Variants in CLASRP observed in about 807,000 individuals in gnomAD.
CLASRP encodes the protein CLK4-associating serine/arginine rich protein.
A neutral mutation model predicts 99.9 loss-of-function variants in CLASRP; 52 were observed. That is an observed-to-expected ratio of 0.52 (90% confidence interval 0.42 to 0.66). The LOEUF (loss-of-function observed/expected upper bound fraction) is 0.66. Among genes scored for constraint, CLASRP ranks in the 30% least tolerant of loss-of-function variants. The probability of loss-of-function intolerance (pLI) is 0.00; values close to 1 mark genes in which losing one functional copy is unlikely to be tolerated. For synonymous variants in CLASRP, 379 were observed against 373.0 expected (o/e 1.02, Z -0.18); for missense variants, 848 against 999.2 (o/e 0.85, Z 2.04).
chr19:45,063,197 G>A (rs934165917), intron 11 of CLASRP, among the ~76,000 whole-genome samples: 2 of 150,666 alleles, frequency 1.3e-5, no homozygotes, highest in African/African-American at 4.9e-5. Context: ...ATATTGAGAT[G>A]GGGCTCACCA....
At chr19:45,042,499 CA>C (rs949144856) in intron 2 of CLASRP, among the ~76,000 whole-genome samples, 20 of 144,394 alleles carry the variant, frequency 1.4e-4, no homozygotes, top group African/African-American at 4.1e-4. Context: ...GACTCCATCT[CA>C]AAAAAAAAAT....
intron 11 of CLASRP, 143 bp from the exon 12 acceptor site, chr19:45,063,869 A>T: frequency 8.8e-7 from 1 of 1,132,018 alleles, no homozygotes; most frequent in Non-Finnish European, 1.2e-6. Flanking sequence ...CTGGGTCTCC[A>T]CTGCCCTCCA....
intron 2 of CLASRP, among the ~76,000 whole-genome samples, chr19:45,045,543 C>T (rs1971900278): frequency 6.6e-6 from 1 of 151,940 alleles, no homozygotes; most frequent in Admixed American, 6.6e-5. Context: ...GGATGTTTTC[C>T]CGTAACATTT....
chr19:45,052,030 G>A (rs771057244), intron 2 of CLASRP, 41 bp from the exon 3 acceptor site: 9 of 1,530,816 alleles, frequency 5.9e-6, no homozygotes, highest in Middle Eastern at 1.7e-4. Flanking sequence ...GGGGTTTGGA[G>A]CTCTGTTGGG....
chr19:45,040,250 G>A lies in CLASRP; in HGVS notation c.38G>A (p.Arg13Gln). 6.2e-7 allele frequency: 1 copy of A among 1,611,984 alleles called. No homozygotes were observed. Among genetic ancestry groups the A allele is most frequent in the Non-Finnish European group, 8.5e-7 (1 of 1,179,436 alleles). Residue 13 changes from arginine (R) to glutamine (Q), a missense_variant, in exon 2 of 21, where the codon CGA (arginine) becomes CAA (glutamine). This residue lies in a region of CLASRP where 2 missense variants were observed against 26.4 expected (regional missense o/e 0.08). Coordinates refer to ENST00000221455, the MANE Select transcript of CLASRP (RefSeq NM_007056.3). ...HEARKHERKL[R>Q]GMMVDYKKRA... ...GCTCGGAAGCATGAGCGGAAGCTTC[G>A]AGGCATGATGGTCGACTACAAGAAG...
chr19:45,058,088 C>T, intron 7 of CLASRP, 190 bp downstream of exon 7: 1 of 651,582 alleles, frequency 1.5e-6, no homozygotes, highest in South Asian at 1.9e-5. Flanking sequence ...TCCTCTGCCT[C>T]ACTCATCTCT....
intron 18 of CLASRP, 97 bp from the exon 19 acceptor site, chr19:45,069,925 A>C (rs764443811): frequency 4.1e-6 from 3 of 723,244 alleles, no homozygotes; most frequent in Non-Finnish European, 7.6e-6. Context: ...CCCTTGGTTT[A>C]CTGTCTTCCT....
intron 7 of CLASRP, among the ~76,000 whole-genome samples, chr19:45,058,470 C>G (rs1013940186): frequency 1.3e-5 from 2 of 152,158 alleles, no homozygotes; most frequent in East Asian, 3.8e-4. Flanking sequence ...ACTGCAACCT[C>G]CACCTCCTGG....
At position 45,050,098 on chromosome 19, in the gene CLASRP, A is replaced by G. The variant is rs192088078; in HGVS notation, c.100-1973A>G. ...AGCACGGGGCATGTCTGGAATGCCCAAGGAATGGCGTGAGGCGAGGGCCTG... is the reference window on the plus strand; with the variant it reads ...AGCACGGGGCATGTCTGGAATGCCCGAGGAATGGCGTGAGGCGAGGGCCTG... On this transcript the variant is annotated intron_variant, in intron 2 of 20. Transcript: ENST00000221455. 1.8e-3 allele frequency among the ~76,000 whole-genome samples: 276 copies of G among 151,748 alleles called. 6 individuals carry two copies. Among genetic ancestry groups the G allele is most frequent in the Non-Finnish European group, 5.7e-4 (39 of 67,950 alleles).
At chr19:45,058,836 G>A (rs144931855) in intron 7 of CLASRP, among the ~76,000 whole-genome samples, 23 of 142,522 alleles carry the variant, frequency 1.6e-4, no homozygotes, top group Non-Finnish European at 2.6e-4. Flanking sequence ...CCATCTTTCC[G>A]CCCCTGTTCA....
chr19:45,052,014 GGGGGT>G (rs1972033143), intron 2 of CLASRP, 52 bp from the exon 3 acceptor site: 4 of 1,348,792 alleles, frequency 3.0e-6, no homozygotes, highest in South Asian at 1.2e-5. Flanking sequence ...TTGTGTGTGA[GGGGGT>G]GGGGTTTGGA....
Position 45,057,852 on chromosome 19 carries a change from C to T in CLASRP, c.567C>T (p.Ala189=), listed in dbSNP as rs77436067. The T allele has an allele frequency of 1.1e-4, 171 of 1,613,992 alleles. No individual in the cohort carries two copies. In the African/African-American group the frequency reaches 1.7e-3, roughly 16 times the overall value. The part of the protein sequence containing the change: ...AEKPEEEESA[A]EEESNSDEDE... ...AGCCAGAGGAGGAGGAGTCAGCGGC[C>T]GAGGAGGAGAGCAACTCGGACGAAG... The change falls in exon 7 of 21, where the codon GCC becomes GCT. Residue 189 remains alanine, a synonymous_variant. Coordinates refer to ENST00000221455, the MANE Select transcript of CLASRP (RefSeq NM_007056.3).
At chr19:45,070,711 G>T in intron 20 of CLASRP, 92 bp from the exon 21 acceptor site, 2 of 1,329,984 alleles carry the variant, frequency 1.5e-6, no homozygotes, top group Non-Finnish European at 2.2e-6. Context: ...TCCCTCCACA[G>T]ACAAGTGCCC....
At chr19:45,044,588 A>G in intron 2 of CLASRP, among the ~76,000 whole-genome samples, 1 of 152,174 alleles carries the variant, frequency 6.6e-6, no homozygotes, top group East Asian at 1.9e-4. Flanking sequence ...GCATAGCAAG[A>G]CCCCATCTCT....
rs191054709 is a variant in CLASRP at position 45,055,078 on chromosome 19, G to A, written c.380-1372G>A. 2.0e-3 allele frequency among the ~76,000 whole-genome samples: 307 copies of A among 152,220 alleles called. 2 individuals carry two copies. Among genetic ancestry groups the A allele is most frequent in the African/African-American group, 5.6e-3 (232 of 41,522 alleles). On this transcript the variant is annotated intron_variant, in intron 5 of 20. Transcript: ENST00000221455. ...TAGAGCCAGGGTTCCCCTTAGTTTC[G>A]CCTCACTCTGCATTTATTCATTCAC...
At position 45,050,042 on chromosome 19, in the gene CLASRP, G is replaced by T. The variant is rs113881711; in HGVS notation, c.100-2029G>T. Among the ~76,000 whole-genome samples, 1,453 of 152,236 alleles carry T rather than the reference G, an allele frequency of 9.5e-3. 6 individuals are homozygous for T. Among genetic ancestry groups the T allele is most frequent in the South Asian group, 0.018 (85 of 4,818 alleles). ...TTTTAGGAGGAGATCTGAAATAAGC[G>T]GGGGAGCAGAAGCACAGAGGTCCGA... On this transcript the variant is annotated intron_variant, in intron 2 of 20. Coordinates refer to ENST00000221455, the MANE Select transcript of CLASRP (RefSeq NM_007056.3).
chr19:45,062,409 G>A (rs563600787), intron 11 of CLASRP, among the ~76,000 whole-genome samples: 8 of 152,176 alleles, frequency 5.3e-5, no homozygotes, highest in Non-Finnish European at 1.0e-4. Context: ...ACGGAGTCTC[G>A]CTATGTCGCC....
rs762290993 is a variant in CLASRP at position 45,070,012 on chromosome 19, G to C, written c.1875-10G>C. ...GTTCCCGGCCAGATGCTCATGCCAT[G>C]CCTTCGCAGGGAGCGGGAACGCCGA... On this transcript the variant is annotated splice_polypyrimidine_tract_variant and intron_variant, in intron 18 of 20. Coordinates refer to ENST00000221455, the MANE Select transcript of CLASRP (RefSeq NM_007056.3). 2.6e-6 allele frequency: 4 copies of C among 1,541,160 alleles called. No individual in the cohort carries two copies. The highest frequency in any genetic ancestry group is 9.0e-7 in the Non-Finnish European group (1 of 1,113,676).
chr19:45,070,443 C>T (rs1967212307), intron 19 of CLASRP, 94 bp from the exon 20 acceptor site: 1 of 1,120,278 alleles, frequency 8.9e-7, no homozygotes, highest in African/African-American at 1.5e-5. Flanking sequence ...GGAGACAACC[C>T]CTGAAGTTCA....
Sources: allele counts gnomAD v4.1 joint callset (sites outside exome capture counted in the v4.1 genomes callset), GRCh38; gene constraint gnomAD v4.1.1; regional missense constraint gnomAD v4.1.1; transcripts MANE v1.5; gene names NCBI Gene and HGNC (gene_info 2026-07-23, HGNC 2026-07-21).